CNTN5: variants seen among roughly 807,000 people sequenced by gnomAD.
CNTN5 encodes the protein contactin-5.
Under a neutral mutation model 129.1 loss-of-function variants are expected in CNTN5, and 77 were observed. The observed-to-expected ratio is 0.60, with a 90% CI of 0.50 to 0.72. CNTN5 has a LOEUF of 0.72. Ranked by LOEUF, CNTN5 falls within the 30% of genes least tolerant of loss-of-function variation. The probability of loss-of-function intolerance (pLI) is 0.00; values close to 1 mark genes in which losing one functional copy is unlikely to be tolerated. For synonymous variants in CNTN5, 509 were observed against 465.6 expected (o/e 1.09, Z -1.20); for missense variants, 1,478 against 1,328.8 (o/e 1.11, Z -1.75).
At chr11:100,300,704 G>T (rs531594473) in intron 20 of CNTN5, among the ~76,000 whole-genome samples, 7 of 151,510 alleles carry the variant, frequency 4.6e-5, no homozygotes, top group Admixed American at 6.6e-5. Flanking sequence ...TTTTAAAGCA[G>T]AATCAGAAAG....
At chr11:100,016,224 A>G (rs984593369) in intron 9 of CNTN5, among the ~76,000 whole-genome samples, 8 of 152,102 alleles carry the variant, frequency 5.3e-5, no homozygotes, top group Non-Finnish European at 8.8e-5. Context: ...ATACGGGAGA[A>G]GGGAGGGTGA....
At chr11:99,985,839 A>G (rs999893136) in intron 8 of CNTN5, among the ~76,000 whole-genome samples, 3 of 152,194 alleles carry the variant, frequency 2.0e-5, no homozygotes, top group African/African-American at 7.2e-5. Context: ...GGTGATAACC[A>G]TATATACATC....
At chr11:99,192,354 TA>T (rs1348481834) in intron 1 of CNTN5, among the ~76,000 whole-genome samples, 1 of 151,916 alleles carries the variant, frequency 6.6e-6, no homozygotes. Flanking sequence ...TCAGATTGTT[TA>T]ACTATAAGGT....
chr11:99,765,150 A>C (rs752989680), intron 3 of CNTN5, among the ~76,000 whole-genome samples: 1 of 152,200 alleles, frequency 6.6e-6, no homozygotes, highest in South Asian at 2.1e-4. Context: ...TTTTGACCCA[A>C]GAAACTGAGC....
chr11:99,283,380 T>TCACACACACATGCACATGTG (rs766273302), intron 1 of CNTN5, among the ~76,000 whole-genome samples: 9 of 152,204 alleles, frequency 5.9e-5, no homozygotes, highest in Admixed American at 3.3e-4. Flanking sequence ...TCTCTCTGTC[T>TCACACACACATGCACATGTG]CACACACACA....
At chr11:99,908,458 AT>A (rs1226633760) in intron 6 of CNTN5, among the ~76,000 whole-genome samples, 4 of 152,014 alleles carry the variant, frequency 2.6e-5, no homozygotes, top group Admixed American at 2.6e-4. Context: ...TTTCTTTTTA[AT>A]GCTTAGCTTT....
intron 2 of CNTN5, among the ~76,000 whole-genome samples, chr11:99,495,994 G>A (rs1453351898): frequency 6.6e-6 from 1 of 152,176 alleles, no homozygotes; most frequent in African/African-American, 2.4e-5. Context: ...GAAGAGCAAT[G>A]TGGGAAAGGG....
At chr11:99,597,859 G>C (rs1406473146) in intron 3 of CNTN5, among the ~76,000 whole-genome samples, 3 of 151,952 alleles carry the variant, frequency 2.0e-5, no homozygotes, top group Admixed American at 6.6e-5. Context: ...TCTTGGTGTG[G>C]GGCCATGGAA....
At chr11:99,675,545 C>A (rs998027338) in intron 3 of CNTN5, among the ~76,000 whole-genome samples, 3 of 152,084 alleles carry the variant, frequency 2.0e-5, no homozygotes, top group African/African-American at 4.8e-5. Context: ...ATTAGCTGGG[C>A]ATGGTGGTGG....
intron 3 of CNTN5, among the ~76,000 whole-genome samples, chr11:99,730,947 T>TC (rs967468112): frequency 1.3e-5 from 2 of 152,090 alleles, no homozygotes; most frequent in African/African-American, 4.8e-5. Flanking sequence ...ATCCTCCTTT[T>TC]CCCCACCATT....
intron 1 of CNTN5, among the ~76,000 whole-genome samples, chr11:99,197,055 T>G (rs1858938172): frequency 6.6e-6 from 1 of 151,870 alleles, no homozygotes; most frequent in Non-Finnish European, 1.5e-5. Flanking sequence ...AAGTAATAAG[T>G]TTAGCAGAGA....
At chr11:99,242,516 A>T (rs531737121) in intron 1 of CNTN5, among the ~76,000 whole-genome samples, 1 of 152,132 alleles carries the variant, frequency 6.6e-6, no homozygotes, top group Non-Finnish European at 1.5e-5. Context: ...TTCGGAGGAT[A>T]CATATTCAGG....
chr11:100,208,204 A>C (rs1009766330), intron 15 of CNTN5, among the ~76,000 whole-genome samples: 2 of 152,172 alleles, frequency 1.3e-5, no homozygotes, highest in African/African-American at 4.8e-5. Context: ...TTCACTACAA[A>C]ATAAACCTTG....
chr11:99,126,462 G>A (rs1165823306), intron 1 of CNTN5, among the ~76,000 whole-genome samples: 1 of 152,164 alleles, frequency 6.6e-6, no homozygotes, highest in South Asian at 2.1e-4. Flanking sequence ...GAAGCTCTCT[G>A]TTCAGCCTTC....
intron 9 of CNTN5, among the ~76,000 whole-genome samples, chr11:100,016,781 C>A (rs374947276): frequency 1.3e-5 from 2 of 151,468 alleles, no homozygotes; most frequent in Non-Finnish European, 2.9e-5. Flanking sequence ...ATGAATATGC[C>A]GAGACATAAA....
rs1866173531 is a variant in CNTN5, at chr11:99,335,289, A to G, written c.-71+9805A>G. ...GTTCTAAAGTCTCTGTTTTTTAGCC[A>G]CATCTCTCTTCTGCCATACAGAAGT... On this transcript the variant is annotated intron_variant, in intron 2 of 24. Transcript: ENST00000524871. Among the ~76,000 whole-genome samples the G allele has an allele frequency of 3.3e-5, 5 of 152,202 alleles. No homozygotes were observed. In the South Asian group the frequency reaches 1.0e-3, roughly 32 times the overall value.
intron 6 of CNTN5, among the ~76,000 whole-genome samples, chr11:99,868,429 C>T (rs1271045814): frequency 1.3e-5 from 2 of 152,048 alleles, no homozygotes; most frequent in Non-Finnish European, 2.9e-5. Flanking sequence ...ATAAGCCATC[C>T]TCATTTTGTG....
Position 100,052,009 on chromosome 11 carries a change from T to G in CNTN5, c.981-9203T>G, listed in dbSNP as rs190314211. On this transcript the variant is annotated intron_variant, in intron 9 of 24. Transcript: ENST00000524871. ...TTTCGTTGATGAATTCTATCAAACA[T>G]GTAAAGAAGAAATTATATAACGTGG... Among the ~76,000 whole-genome samples the G allele has an allele frequency of 5.9e-3, 898 of 152,054 alleles. 4 individuals are homozygous for G. The highest frequency in any genetic ancestry group is 0.021 in the African/African-American group (864 of 41,550).
chr11:99,891,305 T>C (rs9971438), intron 6 of CNTN5, among the ~76,000 whole-genome samples: 31,962 of 151,884 alleles, frequency 0.21, 3,540 homozygotes, highest in African/African-American at 0.25. Context: ...GTTTATTTTT[T>C]ATTATTTTTT....
Sources: gnomAD v4.1 joint callset for allele counts (sites outside exome capture counted in the v4.1 genomes callset) on GRCh38, gnomAD v4.1.1 for gene constraint, MANE v1.5 for transcripts, NCBI Gene and HGNC (gene_info 2026-07-23, HGNC 2026-07-21) for gene names.